The following ME3 variants were observed in gnomAD, a reference collection of about 807,000 sequenced individuals.
ME3 encodes NADP-dependent malic enzyme, mitochondrial.
Under a neutral mutation model 68.9 loss-of-function variants are expected in ME3, and 48 were observed. The observed-to-expected ratio is 0.70, with a 90% CI of 0.55 to 0.89. The LOEUF (loss-of-function observed/expected upper bound fraction) is 0.89. ME3 is among the 40% of genes least tolerant of loss of function. The pLI, the probability that ME3 is intolerant of heterozygous loss-of-function variation, is 0.00. For synonymous variants in ME3, 320 were observed against 318.8 expected (o/e 1.00, Z -0.04); for missense variants, 675 against 797.4 (o/e 0.85, Z 1.85).
chr11:86,511,351 C>T (rs1004966544), intron 4 of ME3, among the ~76,000 whole-genome samples: 2 of 152,212 alleles, frequency 1.3e-5, no homozygotes, highest in Admixed American at 1.3e-4. Flanking sequence ...TCTTCTCACT[C>T]CACACTCTTC....
intron 8 of ME3, among the ~76,000 whole-genome samples, chr11:86,454,145 T>A (rs7108055): frequency 0.7 from 106,312 of 152,050 alleles, 37,500 homozygotes; most frequent in South Asian, 0.82. Context: ...TTGGATAATT[T>A]AAAAAATTGT....
Position 86,599,762 on chromosome 11 carries a change from ACT to A in ME3, c.184-39941_184-39940del, listed in dbSNP as rs546392264. ...ACTGACAGCGGATCTCTTGGCAGAA[ACT>A]CTACAAGCCAGAAGAGAGTGGGGGC... On this transcript the variant is annotated intron_variant, in intron 2 of 14. Transcript: ENST00000543262. Among the ~76,000 whole-genome samples the A allele has an allele frequency of 1.6e-3, 250 of 152,296 alleles. 1 individual carries two copies. The highest frequency in any genetic ancestry group is 0.01 in the Middle Eastern group (3 of 294).
chr11:86,529,579 C>T (rs1446908908), intron 4 of ME3, among the ~76,000 whole-genome samples: 2 of 152,142 alleles, frequency 1.3e-5, no homozygotes, highest in Non-Finnish European at 2.9e-5. Context: ...GACCAATATC[C>T]CTGATGAACA....
intron 2 of ME3, among the ~76,000 whole-genome samples, chr11:86,635,350 A>G (rs576499314): frequency 6.6e-6 from 1 of 152,342 alleles, no homozygotes; most frequent in East Asian, 1.9e-4. Context: ...TCTGCAAGCC[A>G]GGGAGAGGGC....
At chr11:86,529,174 T>C (rs1178682477) in intron 4 of ME3, among the ~76,000 whole-genome samples, 2 of 152,038 alleles carry the variant, frequency 1.3e-5, no homozygotes, top group Non-Finnish European at 2.9e-5. Context: ...ATAAAGGGGA[T>C]ATCACCACCA....
At chr11:86,665,676 G>C (rs1326867759) in intron 2 of ME3, among the ~76,000 whole-genome samples, 2 of 152,212 alleles carry the variant, frequency 1.3e-5, no homozygotes, top group African/African-American at 4.8e-5. Context: ...GCGCTAAAGG[G>C]AAAGAGGAGA....
At chr11:86,583,559 T>C (rs1958564192) in intron 2 of ME3, among the ~76,000 whole-genome samples, 5 of 152,266 alleles carry the variant, frequency 3.3e-5, no homozygotes, top group Middle Eastern at 3.4e-3. Flanking sequence ...AATCACCCAA[T>C]TAATTAATTC....
At chr11:86,522,094 A>G (rs576991733) in intron 4 of ME3, among the ~76,000 whole-genome samples, 2 of 152,336 alleles carry the variant, frequency 1.3e-5, no homozygotes, top group South Asian at 4.1e-4. Flanking sequence ...TACTAAAAAT[A>G]CAAAAATTAG....
intron 4 of ME3, among the ~76,000 whole-genome samples, chr11:86,539,228 C>G (rs1955883611): frequency 6.6e-6 from 1 of 152,114 alleles, no homozygotes; most frequent in South Asian, 2.1e-4. Context: ...TGCAGTTTCT[C>G]CTGCTTGGAA....
At chr11:86,665,642 C>T (rs878883926) in intron 2 of ME3, among the ~76,000 whole-genome samples, 1 of 152,092 alleles carries the variant, frequency 6.6e-6, no homozygotes, top group Non-Finnish European at 1.5e-5. Flanking sequence ...TCACCCTGGC[C>T]ATTGTGTTGA....
chr11:86,646,163 C>T (rs1385072112), intron 2 of ME3, among the ~76,000 whole-genome samples: 2 of 152,204 alleles, frequency 1.3e-5, no homozygotes, highest in Non-Finnish European at 2.9e-5. Flanking sequence ...AAGATCACAA[C>T]TCTTTGCCAG....
At chr11:86,530,792 C>T (rs1371055230) in intron 4 of ME3, among the ~76,000 whole-genome samples, 1 of 152,094 alleles carries the variant, frequency 6.6e-6, no homozygotes, top group Non-Finnish European at 1.5e-5. Context: ...AACTGGCTAG[C>T]CATATGTAGA....
At chr11:86,470,242 A>G (rs901460390) in intron 7 of ME3, among the ~76,000 whole-genome samples, 3 of 152,166 alleles carry the variant, frequency 2.0e-5, no homozygotes, top group Non-Finnish European at 4.4e-5. Flanking sequence ...CTGCCTCTAA[A>G]TAGAATGACT....
chr11:86,666,478 C>A lies in ME3; in HGVS notation c.183+5284G>T, dbSNP rs888145714. 5.3e-5 allele frequency among the ~76,000 whole-genome samples: 8 copies of A among 152,304 alleles called. 1 individual carries two copies. Among genetic ancestry groups the A allele is most frequent in the Admixed American group, 2.6e-4 (4 of 15,300 alleles). On this transcript the variant is annotated intron_variant, in intron 2 of 14. Coordinates refer to ENST00000543262, the Ensembl canonical transcript of ME3. The stretch of plus-strand genomic sequence containing the variant: ...TCTGGGGTTCACATTGTTGTCATTG[C>A]CTAACCTGTAGCAACTAATAAACAT...
At chr11:86,671,717 G>C in intron 2 of ME3, 45 bp downstream of exon 2, 1 of 1,588,094 alleles carries the variant, frequency 6.3e-7, no homozygotes, top group Non-Finnish European at 8.6e-7. Context: ...TTTTCCGGCA[G>C]CCACGGGATC....
chr11:86,510,871 C>A (rs1461780237), intron 4 of ME3, among the ~76,000 whole-genome samples: 1 of 152,210 alleles, frequency 6.6e-6, no homozygotes, highest in Non-Finnish European at 1.5e-5. Context: ...ATCATCTAAT[C>A]TTCCACCATT....
intron 2 of ME3, among the ~76,000 whole-genome samples, chr11:86,603,135 AG>A (rs1328837973): frequency 2.0e-5 from 3 of 152,230 alleles, no homozygotes; most frequent in Non-Finnish European, 4.4e-5. Context: ...GCACAGCAAA[AG>A]AAACTACCAT....
intron 6 of ME3, among the ~76,000 whole-genome samples, chr11:86,491,193 T>C (rs77713943): frequency 0.014 from 2,097 of 152,316 alleles, 27 homozygotes; most frequent in South Asian, 0.029. Context: ...TCTCATCCCA[T>C]TTTAGAGGAA....
intron 2 of ME3, among the ~76,000 whole-genome samples, chr11:86,560,393 A>T (rs929216149): frequency 6.6e-6 from 1 of 152,156 alleles, no homozygotes; most frequent in African/African-American, 2.4e-5. Context: ...CTCCCCAGAC[A>T]TGTGGAACTA....
Sources: allele counts gnomAD v4.1 joint callset (sites outside exome capture counted in the v4.1 genomes callset), GRCh38; gene constraint gnomAD v4.1.1; transcripts MANE v1.5; gene names NCBI Gene and HGNC (gene_info 2026-07-23, HGNC 2026-07-21).